The following B3GNT2 variants were observed in gnomAD, a reference collection of about 807,000 sequenced individuals.
B3GNT2 encodes the protein N-acetyllactosaminide beta-1,3-N-acetylglucosaminyltransferase 2.
In B3GNT2, 12 loss-of-function variants were observed where a neutral mutation model predicts 27.6. That is an observed-to-expected ratio of 0.44 (90% CI 0.28 to 0.71). The LOEUF is 0.71. Among genes scored for constraint, B3GNT2 ranks in the 30% least tolerant of loss-of-function variants. The pLI is 0.17. For synonymous variants in B3GNT2, 192 were observed against 189.7 expected, an observed-to-expected ratio of 1.01 and a Z score of -0.10; for missense variants, 413 against 488.5, an observed-to-expected ratio of 0.85 and a Z score of 1.46.
At chr2:62,204,127 A>G (rs1434029373) in intron 1 of B3GNT2, among the ~76,000 whole-genome samples, 2 of 152,148 alleles carry the variant, frequency 1.3e-5, no homozygotes, top group Non-Finnish European at 2.9e-5. Flanking sequence ...CCTGGGTTCA[A>G]GCAATTCTCC....
intron 1 of B3GNT2, among the ~76,000 whole-genome samples, chr2:62,197,288 A>T (rs2104178020): frequency 6.6e-6 from 1 of 152,360 alleles, no homozygotes; most frequent in South Asian, 2.1e-4. Context: ...GTTAATTTCC[A>T]GGCCACGGTA....
chr2:62,219,177 C>A (rs1480059781), intron 1 of B3GNT2, among the ~76,000 whole-genome samples: 2 of 152,174 alleles, frequency 1.3e-5, no homozygotes, highest in African/African-American at 4.8e-5. Flanking sequence ...AAGTTCACAG[C>A]CTCCTATGTA....
At chr2:62,218,772 A>C (rs955602868) in intron 1 of B3GNT2, among the ~76,000 whole-genome samples, 1 of 152,246 alleles carries the variant, frequency 6.6e-6, no homozygotes, top group East Asian at 1.9e-4. Flanking sequence ...CCGTGCAATG[A>C]GAAATGAGCA....
chr2:62,196,802 G>A (rs1441481716), intron 1 of B3GNT2, among the ~76,000 whole-genome samples: 1 of 152,110 alleles, frequency 6.6e-6, no homozygotes, highest in Non-Finnish European at 1.5e-5. Context: ...CGGGGCGCGC[G>A]GGCATTTCGG....
chr2:62,221,728 T>A (rs1206877447), intron 1 of B3GNT2: 1 of 427,708 alleles, frequency 2.3e-6, no homozygotes, highest in Non-Finnish European at 4.6e-6. Flanking sequence ...GCGTCACACA[T>A]GTAAATAGAG....
intron 1 of B3GNT2, chr2:62,221,954 A>G (rs1674703860): frequency 1.8e-6 from 1 of 550,496 alleles, no homozygotes; most frequent in East Asian, 3.8e-5. Context: ...AAAGCTTTCC[A>G]TATAACATCA....
intron 1 of B3GNT2, chr2:62,221,758 T>C (rs143788219): frequency 4.7e-5 from 23 of 486,334 alleles, no homozygotes; most frequent in Middle Eastern, 9.7e-4. Context: ...TGTATGTGTA[T>C]ACTAAACACA....
chr2:62,206,469 T>C (rs926036136), intron 1 of B3GNT2, among the ~76,000 whole-genome samples: 15 of 152,242 alleles, frequency 9.9e-5, no homozygotes, highest in African/African-American at 3.6e-4. Context: ...TTAATTTGTT[T>C]TATTATAAGG....
chr2:62,217,426 T>C (rs1674597961), intron 1 of B3GNT2, among the ~76,000 whole-genome samples: 1 of 152,128 alleles, frequency 6.6e-6, no homozygotes, highest in Admixed American at 6.5e-5. Context: ...GAATTTAGAG[T>C]ATCTGCCTCA....
At chr2:62,208,760 CT>C (rs1382402828) in intron 1 of B3GNT2, among the ~76,000 whole-genome samples, 3 of 152,176 alleles carry the variant, frequency 2.0e-5, no homozygotes, top group Non-Finnish European at 4.4e-5. Flanking sequence ...TTTACTGTCC[CT>C]CCCCTTCTTG....
chr2:62,223,198 C>A lies in B3GNT2; in HGVS notation c.978C>A (p.Val326=). 6.2e-7 allele frequency: 1 copy of A among 1,614,198 alleles called. No homozygotes were observed. The highest frequency in any genetic ancestry group is 8.5e-7 in the Non-Finnish European group (1 of 1,180,048). ...GGCTGTACCATATCACTGACCAGGT[C>A]CATCTCTACCCCATTGATGACGTTT... The part of the protein sequence containing the change: ...ALRLYHITDQ[V]HLYPIDDVYT... Residue 326 remains valine (V), a synonymous_variant, in exon 2 of 2, where the codon GTC becomes GTA. Coordinates refer to ENST00000301998, the MANE Select transcript of B3GNT2 (RefSeq NM_006577.6).
At chr2:62,200,304 T>G in intron 1 of B3GNT2, among the ~76,000 whole-genome samples, 1 of 152,232 alleles carries the variant, frequency 6.6e-6, no homozygotes, top group African/African-American at 2.4e-5. Flanking sequence ...CAAAAACCAT[T>G]TTCTGATGTG....
rs1010226950 is a variant in B3GNT2 at position 62,222,159 on chromosome 2, T to C, written c.-9-53T>C. 7.6e-6 allele frequency: 11 copies of C among 1,451,794 alleles called. No homozygotes were observed. The African/African-American group carries it at 1.6e-4, about 21-fold the overall frequency. 89.9% of individuals were successfully genotyped at this position (1,451,794 alleles called of 1,614,324 possible). A position where few individuals can be genotyped will look rare whatever the true frequency, so the allele number is the denominator to read the frequency against. On this transcript the variant is annotated intron_variant, in intron 1 of 1. Transcript: ENST00000301998. The surrounding 1 kb of genome is among the most constrained non-coding windows in gnomAD (Gnocchi z 4.2). Reference sequence around the variant, plus strand: ...GGAGACAGGTAAAATAAATTGTATGTGCAAATGCAAATTGATAAGTAATTG... The same window carrying C: ...GGAGACAGGTAAAATAAATTGTATGCGCAAATGCAAATTGATAAGTAATTG...
chr2:62,221,932 C>T (rs1162695914), intron 1 of B3GNT2: 6 of 530,896 alleles, frequency 1.1e-5, no homozygotes, highest in Admixed American at 5.0e-5. Flanking sequence ...CTGTGAGCCA[C>T]GCGCTATTTT....
rs779268146 is a variant in B3GNT2 at position 62,221,917 on chromosome 2, G to A, written c.-9-295G>A. 2.2e-4 allele frequency: 118 copies of A among 535,586 alleles called. 1 individual carries two copies. Among genetic ancestry groups the A allele is most frequent in the Middle Eastern group, 3.1e-4 (1 of 3,246 alleles). 33.2% of individuals were successfully genotyped at this position (535,586 alleles called of 1,614,324 possible). A position where few individuals can be genotyped will look rare whatever the true frequency, so the allele number is the denominator to read the frequency against. ...TGTCTCAAACAGTCACTTACATAGT[G>A]CTTGCTGTGAGCCACGCGCTATTTT... On this transcript the variant is annotated intron_variant, in intron 1 of 1. Transcript: ENST00000301998.
Position 62,223,271 on chromosome 2 carries a change from A to G in B3GNT2, c.1051A>G (p.Lys351Glu). Residue 351 changes from lysine (K) to glutamate (E), a missense_variant, in exon 2 of 2, where the codon AAA becomes GAA. Physicochemically the swap from Lys to Glu is moderately conservative, Grantham distance 56. Coordinates refer to ENST00000301998, the MANE Select transcript of B3GNT2 (RefSeq NM_006577.6). ...ACTCGGCCTCGTTCCAGAGAAACAC[A>G]AAGGCTTCAGGACATTTGATATCGA... ...QKLGLVPEKH[K>E]GFRTFDIEEK... is the part of the protein sequence containing the mutation. 1.9e-6 allele frequency: 3 copies of G among 1,614,234 alleles called. No homozygotes were observed. The highest frequency in any genetic ancestry group is 2.5e-6 in the Non-Finnish European group (3 of 1,180,042).
At position 62,196,176 on chromosome 2, in the gene B3GNT2, G is replaced by A. The variant is rs1374980728; in HGVS notation, c.-189G>A. On this transcript the variant is annotated 5_prime_UTR_variant, in exon 1 of 2. Coordinates refer to ENST00000301998, the MANE Select transcript of B3GNT2 (RefSeq NM_006577.6). Reference sequence around the variant, plus strand: ...GCAACAAGTGCCGGAGGCTAGCAGAGCCAAGCCGGAGCAGTCCCTGCCGCC... The same window carrying A: ...GCAACAAGTGCCGGAGGCTAGCAGAACCAAGCCGGAGCAGTCCCTGCCGCC... 3.3e-5 allele frequency: 5 copies of A among 151,764 alleles called. No individual in the cohort carries two copies. The highest frequency in any genetic ancestry group is 1.2e-4 in the African/African-American group (5 of 41,366). 9.4% of individuals were successfully genotyped at this position (151,764 alleles called of 1,614,324 possible). A position where few individuals can be genotyped will look rare whatever the true frequency, so the allele number is the denominator to read the frequency against.
chr2:62,212,069 C>G (rs1674490759), intron 1 of B3GNT2, among the ~76,000 whole-genome samples: 1 of 152,190 alleles, frequency 6.6e-6, no homozygotes, highest in Non-Finnish European at 1.5e-5. Flanking sequence ...CCTTCCTGCT[C>G]CAAATTCACC....
chr2:62,196,522 C>G (rs1282053509), intron 1 of B3GNT2, among the ~76,000 whole-genome samples, 167 bp downstream of exon 1: 1 of 152,240 alleles, frequency 6.6e-6, no homozygotes, highest in African/African-American at 2.4e-5. Flanking sequence ...TACCCGCGCC[C>G]CGGTGGAGGA....
Sources: gnomAD v4.1 joint callset for allele counts (sites outside exome capture counted in the v4.1 genomes callset) on GRCh38, gnomAD v4.1.1 for gene constraint, Gnocchi (gnomAD v3.1) non-coding constraint, MANE v1.5 for transcripts, NCBI Gene and HGNC (gene_info 2026-07-23, HGNC 2026-07-21) for gene names.